Variants in ADAM12 observed in about 807,000 individuals in gnomAD.
ADAM12 encodes the protein ADAM metallopeptidase domain 12.
ADAM12 carries 70 observed loss-of-function variants against 106.4 expected under a neutral mutation model. That is an observed-to-expected ratio of 0.66 (90% confidence interval 0.54 to 0.80). ADAM12 has a LOEUF of 0.80. ADAM12 is among the 30% of genes least tolerant of loss of function. ADAM12 has a pLI of 0.00. For missense variants in ADAM12, 1,010 were observed against 1,171.9 expected, an observed-to-expected ratio of 0.86 and a Z score of 2.02; for synonymous variants, 420 against 433.5, an observed-to-expected ratio of 0.97 and a Z score of 0.39.
chr10:126,042,707 C>G (rs536819835), intron 18 of ADAM12, among the ~76,000 whole-genome samples: 1 of 152,162 alleles, frequency 6.6e-6, no homozygotes, highest in African/African-American at 2.4e-5. Context: ...ACACAGATGT[C>G]GGCCTTTACA....
chr10:126,255,962 C>CAT (rs1958883281), intron 3 of ADAM12, among the ~76,000 whole-genome samples: 1 of 152,144 alleles, frequency 6.6e-6, no homozygotes, highest in South Asian at 2.1e-4. Flanking sequence ...TGCCCATGGG[C>CAT]ATCTCGTCAG....
chr10:126,173,369 C>T (rs11244862), intron 3 of ADAM12, among the ~76,000 whole-genome samples: 8,942 of 152,204 alleles, frequency 0.059, 550 homozygotes, highest in African/African-American at 0.15. Context: ...ATCTTAACAC[C>T]GGCTGAATCT....
At chr10:126,312,232 G>A (rs1035325182) in intron 2 of ADAM12, among the ~76,000 whole-genome samples, 3 of 151,792 alleles carry the variant, frequency 2.0e-5, no homozygotes, top group Admixed American at 6.6e-5. Flanking sequence ...ATGAGACGAC[G>A]TCAGAGAGGC....
At chr10:126,141,622 A>C (rs986646491) in intron 4 of ADAM12, among the ~76,000 whole-genome samples, 2 of 152,188 alleles carry the variant, frequency 1.3e-5, no homozygotes, top group Non-Finnish European at 2.9e-5. Context: ...CTTGAACTTG[A>C]AAATTGGTAG....
At chr10:126,343,398 T>C (rs1855010857) in intron 1 of ADAM12, among the ~76,000 whole-genome samples, 1 of 152,224 alleles carries the variant, frequency 6.6e-6, no homozygotes, top group Admixed American at 6.5e-5. Flanking sequence ...ATGGTGTATA[T>C]GTGCCACATT....
At chr10:126,191,113 T>C (rs1957492761) in intron 3 of ADAM12, among the ~76,000 whole-genome samples, 4 of 148,110 alleles carry the variant, frequency 2.7e-5, no homozygotes, top group African/African-American at 9.8e-5. Context: ...GTGATTCTCA[T>C]GCCTCAGCCT....
chr10:126,332,368 G>A (rs1228983365), intron 1 of ADAM12, among the ~76,000 whole-genome samples: 4 of 152,174 alleles, frequency 2.6e-5, no homozygotes, highest in Admixed American at 6.5e-5. Flanking sequence ...AGAGAGGGAC[G>A]TAGAGAAAAC....
At chr10:126,197,705 G>T (rs1957623403) in intron 3 of ADAM12, among the ~76,000 whole-genome samples, 1 of 152,190 alleles carries the variant, frequency 6.6e-6, no homozygotes, top group African/African-American at 2.4e-5. Context: ...GGCTGCATTT[G>T]GTATTTATAT....
intron 1 of ADAM12, among the ~76,000 whole-genome samples, chr10:126,352,234 A>G (rs1855388768): frequency 6.6e-6 from 1 of 152,246 alleles, no homozygotes; most frequent in Admixed American, 6.5e-5. Context: ...TTTCACAAAG[A>G]GAACAGGTCT....
intron 4 of ADAM12, among the ~76,000 whole-genome samples, chr10:126,147,510 A>G (rs1956650937): frequency 6.6e-6 from 1 of 152,178 alleles, no homozygotes; most frequent in African/African-American, 2.4e-5. Flanking sequence ...CATGGTCCTC[A>G]GGTCCTATAC....
At chr10:126,133,666 A>C (rs191493451) in intron 5 of ADAM12, among the ~76,000 whole-genome samples, 2 of 152,302 alleles carry the variant, frequency 1.3e-5, no homozygotes, top group East Asian at 3.9e-4. Context: ...GGGGGAGGCC[A>C]AAGGACATCT....
chr10:126,109,653 T>C, intron 7 of ADAM12, 122 bp downstream of exon 7: 1 of 744,492 alleles, frequency 1.3e-6, no homozygotes, highest in Non-Finnish European at 2.1e-6. Context: ...ATGGGTTGTT[T>C]CCATTGCTTT....
chr10:126,087,599 T>G (rs1955382764), intron 11 of ADAM12, among the ~76,000 whole-genome samples: 2 of 152,122 alleles, frequency 1.3e-5, no homozygotes, highest in South Asian at 4.1e-4. Flanking sequence ...AAATGAAGAG[T>G]TAAGATGGAA....
At chr10:126,355,174 C>T (rs1317994812) in intron 1 of ADAM12, among the ~76,000 whole-genome samples, 4 of 151,920 alleles carry the variant, frequency 2.6e-5, no homozygotes, top group African/African-American at 4.8e-5. Context: ...ACTAAACATT[C>T]GGCCAAAAAA....
At chr10:126,364,139 C>T (rs928008438) in intron 1 of ADAM12, among the ~76,000 whole-genome samples, 47 of 151,060 alleles carry the variant, frequency 3.1e-4, no homozygotes, top group African/African-American at 1.1e-3. Flanking sequence ...GTATCCAATA[C>T]TTTTTTTTTT....
chr10:126,185,759 T>C (rs1957389440), intron 3 of ADAM12, among the ~76,000 whole-genome samples: 1 of 152,016 alleles, frequency 6.6e-6, no homozygotes, highest in Admixed American at 6.6e-5. Context: ...TACACCGGCC[T>C]GGGCAGCCCA....
rs1041674295 is a variant in ADAM12, at chr10:126,338,319, C to G, written c.89-7810G>C. Reference sequence around the variant, plus strand: ...CCAGGCTGGAGTGCAGTGGCGGGATCTCGGCTCACTGCAAGCTCCGCCTCC... The same window carrying G: ...CCAGGCTGGAGTGCAGTGGCGGGATGTCGGCTCACTGCAAGCTCCGCCTCC... On this transcript the variant is annotated intron_variant, in intron 1 of 22. Coordinates refer to ENST00000448723, the MANE Select transcript of ADAM12 (RefSeq NM_001288973.2). Among the ~76,000 whole-genome samples, 70 of 128,464 alleles carry G rather than the reference C, an allele frequency of 5.4e-4. 1 individual carries two copies. The highest frequency in any genetic ancestry group is 3.7e-4 in the Non-Finnish European group (24 of 64,478). 84.3% of individuals were successfully genotyped at this position (128,464 alleles called of 152,430 possible).
chr10:126,379,462 G>A (rs764053031), intron 1 of ADAM12, among the ~76,000 whole-genome samples: 2 of 152,072 alleles, frequency 1.3e-5, no homozygotes, highest in Non-Finnish European at 2.9e-5. Context: ...AACACCGCAT[G>A]TTCTCACCCA....
At chr10:126,247,032 A>G (rs1462442208) in intron 3 of ADAM12, among the ~76,000 whole-genome samples, 1 of 152,238 alleles carries the variant, frequency 6.6e-6, no homozygotes, top group Non-Finnish European at 1.5e-5. Context: ...TATTTCTCTA[A>G]AAGAAGAAAT....
Sources: allele counts gnomAD v4.1 joint callset (sites outside exome capture counted in the v4.1 genomes callset), GRCh38; gene constraint gnomAD v4.1.1; transcripts MANE v1.5; gene names NCBI Gene and HGNC (gene_info 2026-07-23, HGNC 2026-07-21).